TK1: variants seen among roughly 807,000 people sequenced by gnomAD.
TK1 encodes thymidine kinase 1, also known as thymidine kinase, cytosolic.
Under a neutral mutation model 22.4 loss-of-function variants are expected in TK1, and 13 were observed. The observed-to-expected ratio is 0.58, with a 90% CI of 0.38 to 0.92. The LOEUF is 0.92. Ranked by LOEUF, TK1 falls within the 40% of genes least tolerant of loss-of-function variation. The probability of loss-of-function intolerance (pLI) is 0.00; values close to 1 mark genes in which losing one functional copy is unlikely to be tolerated. For missense variants in TK1, 251 were observed against 315.7 expected, an observed-to-expected ratio of 0.80 and a Z score of 1.55; for synonymous variants, 134 against 125.4, an observed-to-expected ratio of 1.07 and a Z score of -0.46.
At chr17:78,185,230 C>T in intron 2 of TK1, 65 bp from the exon 3 acceptor site, 2 of 1,278,938 alleles carry the variant, frequency 1.6e-6, no homozygotes, top group Non-Finnish European at 2.3e-6. Context: ...AGACCCCTCC[C>T]CAACAAGCCT....
chr17:78,177,073 T>C (rs1197583167), intron 4 of TK1, among the ~76,000 whole-genome samples: 2 of 152,180 alleles, frequency 1.3e-5, no homozygotes, highest in East Asian at 1.9e-4. Flanking sequence ...CTGAGGTCCA[T>C]AGTCAAAGAG....
intron 3 of TK1, 79 bp downstream of exon 3, chr17:78,184,976 C>T: frequency 9.4e-7 from 1 of 1,066,998 alleles, no homozygotes; most frequent in Admixed American, 1.9e-5. Flanking sequence ...TTAACCATCC[C>T]CATTAAAGAG....
chr17:78,185,047 G>A lies in TK1; in HGVS notation c.209+8C>T. 1 of 1,611,590 alleles carries A rather than the reference G, an allele frequency of 6.2e-7. No homozygotes were observed. The highest frequency in any genetic ancestry group is 8.5e-7 in the Non-Finnish European group (1 of 1,178,470). ...CACTGGACAGGACTGCAGGGGGCAG[G>A]GACTGACCGGTCATGTGTGCAGAAG... On this transcript the variant is annotated splice_region_variant and intron_variant, in intron 3 of 6. Coordinates refer to ENST00000301634, the MANE Select transcript of TK1 (RefSeq NM_003258.5).
chr17:78,178,638 CTTTTG>C (rs923908797), intron 4 of TK1, among the ~76,000 whole-genome samples: 4 of 152,060 alleles, frequency 2.6e-5, no homozygotes, highest in Non-Finnish European at 4.4e-5. Context: ...CCCTGAACTT[CTTTTG>C]TTTTGTTTTG....
intron 2 of TK1, among the ~76,000 whole-genome samples, chr17:78,185,980 G>A (rs1020377166): frequency 6.6e-6 from 1 of 152,200 alleles, no homozygotes; most frequent in Non-Finnish European, 1.5e-5. Context: ...GAATGTTGGG[G>A]CAGGGCATGG....
intron 3 of TK1, among the ~76,000 whole-genome samples, chr17:78,184,102 C>T (rs1414107981): frequency 6.6e-6 from 1 of 152,234 alleles, no homozygotes; most frequent in Non-Finnish European, 1.5e-5. Flanking sequence ...GACATCGCAT[C>T]TTAGGAATGA....
intron 4 of TK1, among the ~76,000 whole-genome samples, chr17:78,180,685 G>A (rs1234748555): frequency 6.6e-6 from 1 of 152,194 alleles, no homozygotes; most frequent in Admixed American, 6.5e-5. Context: ...TGTAAAAATA[G>A]TCACTGAAAC....
chr17:78,181,627 CAA>C (rs2075738332), intron 4 of TK1, among the ~76,000 whole-genome samples: 1 of 151,668 alleles, frequency 6.6e-6, no homozygotes. Context: ...GATTTCCATA[CAA>C]AGACTGGCAG....
At chr17:78,186,661 GGGGAA>G (rs373958704) in intron 2 of TK1, 121 bp downstream of exon 2, 1 of 962,688 alleles carries the variant, frequency 1.0e-6, no homozygotes, top group Non-Finnish European at 1.5e-6. Flanking sequence ...GGTCCTTCTA[GGGGAA>G]GGGAAGGGGA....
intron 2 of TK1, among the ~76,000 whole-genome samples, chr17:78,186,386 G>A (rs1202993554): frequency 6.6e-6 from 1 of 152,090 alleles, no homozygotes; most frequent in Non-Finnish European, 1.5e-5. Flanking sequence ...AAGCGACTAC[G>A]TTTCCTTGGC....
chr17:78,175,494 C>T (rs2145821405), intron 5 of TK1, 35 bp downstream of exon 5: 1 of 1,597,414 alleles, frequency 6.3e-7, no homozygotes, highest in Non-Finnish European at 8.6e-7. Context: ...TTGCCCTCCT[C>T]AATCCCAGCT....
rs750096299 is a variant in TK1 at position 78,174,929 on chromosome 17, C to A, written c.535G>T (p.Asp179Tyr). 1 of 1,613,742 alleles carries A rather than the reference C, an allele frequency of 6.2e-7. No individual in the cohort carries two copies. The highest frequency in any genetic ancestry group is 2.2e-5 in the East Asian group (1 of 44,864). ...AGCCGACACACGGAGTGGTACTTGT[C>A]TGCTCCCCCAATCACCTCGACCTGG... ...EKEVEVIGGA[D>Y]KYHSVCRLCY... The change falls in exon 7 of 7, where the codon GAC (aspartate) becomes TAC (tyrosine). Residue 179 changes from aspartate (D) to tyrosine (Y), a missense_variant. Asp to Tyr is a radical substitution (Grantham distance 160). Coordinates refer to ENST00000301634, the MANE Select transcript of TK1 (RefSeq NM_003258.5).
intron 3 of TK1, 131 bp downstream of exon 3, chr17:78,184,924 C>T (rs2075769972): frequency 1.3e-6 from 1 of 740,738 alleles, no homozygotes; most frequent in African/African-American, 1.7e-5. Flanking sequence ...TGCCAAGCAC[C>T]TTGGAAAGTG....
chr17:78,174,795 G>C lies in TK1; in HGVS notation c.669C>G (p.Ala223=). 1.9e-6 allele frequency: 3 copies of C among 1,612,212 alleles called. No homozygotes were observed. Among genetic ancestry groups the C allele is most frequent in the Non-Finnish European group, 1.7e-6 (2 of 1,179,240 alleles). The stretch of plus-strand genomic sequence containing the variant: ...GGCTGCATTGCAGAATCTGCTGTGG[G>C]GCAAAGAGCTTCCTGGCAGCCACGG... ...GEAVAARKLF[A]PQQILQCSPA... Residue 223 remains alanine, a synonymous_variant, in exon 7 of 7, where the codon GCC becomes GCG. Transcript: ENST00000301634.
At chr17:78,186,882 A>C (rs570993576) in intron 1 of TK1, 47 bp downstream of exon 1, 1 of 1,565,600 alleles carries the variant, frequency 6.4e-7, no homozygotes, top group Admixed American at 1.9e-5. Context: ...ACAGGCTATC[A>C]CCACGACCAC....
chr17:78,184,169 G>A (rs1307595506), intron 3 of TK1, among the ~76,000 whole-genome samples: 1 of 152,210 alleles, frequency 6.6e-6, no homozygotes, highest in Non-Finnish European at 1.5e-5. Flanking sequence ...CACGAAGTGC[G>A]GTTAAATTCC....
chr17:78,186,637 T>A, intron 2 of TK1, 150 bp downstream of exon 2: 1 of 776,646 alleles, frequency 1.3e-6, no homozygotes, highest in Non-Finnish European at 2.0e-6. Flanking sequence ...GCGGGAGCTG[T>A]AGGAGGCTGT....
intron 3 of TK1, among the ~76,000 whole-genome samples, 175 bp from the exon 4 acceptor site, chr17:78,182,857 GTTAT>G (rs1249686643): frequency 2.0e-5 from 3 of 152,158 alleles, no homozygotes; most frequent in African/African-American, 4.8e-5. Flanking sequence ...CAGAAAACCA[GTTAT>G]TTATTTATTT....
rs2075685161 is a variant in TK1, at chr17:78,174,760, C to T, written c.704G>A (p.Ter235=). 1.2e-6 allele frequency: 2 copies of T among 1,600,400 alleles called. No homozygotes were observed. The highest frequency in any genetic ancestry group is 1.7e-6 in the Non-Finnish European group (2 of 1,173,940). ...GAGCGGGCGGCCCTCGCAGGTCCCTCAGTTGGCAGGGCTGCATTGCAGAAT... is the reference window on the plus strand; with the variant it reads ...GAGCGGGCGGCCCTCGCAGGTCCCTTAGTTGGCAGGGCTGCATTGCAGAAT... ...QQILQCSPAN[*] Residue 235 remains the stop codon, a stop_retained_variant, in exon 7 of 7, where the codon TGA becomes TAA. Coordinates refer to ENST00000301634, the MANE Select transcript of TK1 (RefSeq NM_003258.5).
Sources: gnomAD v4.1 joint callset for allele counts (sites outside exome capture counted in the v4.1 genomes callset) on GRCh38, gnomAD v4.1.1 for gene constraint, MANE v1.5 for transcripts, NCBI Gene and HGNC (gene_info 2026-07-23, HGNC 2026-07-21) for gene names.